The following EXTL1 variants were observed in gnomAD, a reference collection of about 807,000 sequenced individuals.
EXTL1 encodes exostosin like glycosyltransferase 1.
EXTL1 carries 43 observed loss-of-function variants against 64.6 expected under a neutral mutation model. The ratio of observed to expected loss-of-function variants is 0.67; its 90% confidence interval spans 0.52 to 0.86. The LOEUF (loss-of-function observed/expected upper bound fraction) is 0.86. Ranked by LOEUF, EXTL1 falls within the 40% of genes least tolerant of loss-of-function variation. The pLI is 0.00. For synonymous variants in EXTL1, 352 were observed against 360.5 expected, an observed-to-expected ratio of 0.98 and a Z score of 0.27; for missense variants, 766 against 879.0, an observed-to-expected ratio of 0.87 and a Z score of 1.62.
chr1:26,022,908 A>G lies in EXTL1; in HGVS notation c.262A>G (p.Thr88Ala). The G allele has an allele frequency of 6.2e-7, 1 of 1,613,972 alleles. No homozygotes were observed. Among genetic ancestry groups the G allele is most frequent in the Non-Finnish European group, 8.5e-7 (1 of 1,179,960 alleles). Residue 88 changes from threonine (T) to alanine (A), a missense_variant, in exon 1 of 11, where the codon ACC becomes GCC. Thr to Ala is a moderately conservative substitution (Grantham distance 58). Around this residue, in one of 3 missense-constraint regions of EXTL1, gnomAD observed 571 missense variants for 647.6 expected, o/e 0.88. Transcript: ENST00000374280. Reference sequence around the variant, plus strand: ...CTGCAACTGGGAATCTTGCTTTGATACCTCAAAGTGCAGGGGCGATGGCCT... The same window carrying G: ...CTGCAACTGGGAATCTTGCTTTGATGCCTCAAAGTGCAGGGGCGATGGCCT... ...GSCNWESCFD[T>A]SKCRGDGLKV... is the part of the protein sequence containing the mutation.
intron 2 of EXTL1, 25 bp from the exon 3 acceptor site, chr1:26,029,575 C>T: frequency 1.4e-6 from 2 of 1,429,098 alleles, no homozygotes; most frequent in Non-Finnish European, 2.0e-6. Flanking sequence ...GGGCTGGGCT[C>T]CCCAGTGACC....
At chr1:26,027,693 A>AAAAAAAAAAAAAAGAAAAAG (rs1483331698) in intron 1 of EXTL1, among the ~76,000 whole-genome samples, 1 of 131,458 alleles carries the variant, frequency 7.6e-6, no homozygotes, top group African/African-American at 3.0e-5. Context: ...CATCTCTAAA[A>AAAAAAAAAAAAAAGAAAAAG]AAAAAAAAAA....
rs990070361 is a variant in EXTL1, at chr1:26,035,411, C to A, written c.*64C>A. On this transcript the variant is annotated 3_prime_UTR_variant, in exon 11 of 11. Transcript: ENST00000374280. The surrounding 1 kb of genome is among the most constrained non-coding windows in gnomAD (Gnocchi z 5.3). The stretch of plus-strand genomic sequence containing the variant: ...CAGCTCCCAGGGGGCCCGGCGCCTG[C>A]CGGCGGGCTCCGCTCTTGGGACACC... The A allele has an allele frequency of 1.4e-6, 2 of 1,432,352 alleles. No individual in the cohort carries two copies. Among genetic ancestry groups the A allele is most frequent in the Non-Finnish European group, 1.9e-6 (2 of 1,059,784 alleles). 88.7% of individuals were successfully genotyped at this position (1,432,352 alleles called of 1,614,324 possible).
Position 26,034,722 on chromosome 1 carries a change from G to A in EXTL1, c.1680-114G>A. On this transcript the variant is annotated intron_variant, in intron 9 of 10. Transcript: ENST00000374280. The surrounding 1 kb of genome is among the most constrained non-coding windows in gnomAD (Gnocchi z 4.6). Reference sequence around the variant, plus strand: ...GATGGGAGCTCTCTGAGGCAGCCAGGGCTCAGAGGCTTGGGGATGGGGGTC... The same window carrying A: ...GATGGGAGCTCTCTGAGGCAGCCAGAGCTCAGAGGCTTGGGGATGGGGGTC... The A allele has an allele frequency of 9.4e-7, 1 of 1,064,198 alleles. No individual in the cohort carries two copies. Among genetic ancestry groups the A allele is most frequent in the East Asian group, 2.4e-5 (1 of 41,830 alleles). The allele number at this position is 1,064,198 out of a possible 1,614,324, so 65.9% of individuals were successfully genotyped here.
At position 26,034,786 on chromosome 1, in the gene EXTL1, C is replaced by T; in HGVS notation, c.1680-50C>T. 3 of 1,578,444 alleles carry T rather than the reference C, an allele frequency of 1.9e-6. No individual in the cohort carries two copies. Among genetic ancestry groups the T allele is most frequent in the Non-Finnish European group, 2.6e-6 (3 of 1,154,172 alleles). ...AGGTCAGGAGGGAGGAGAATGGGGCCTGGGGATGGATTTGGCTGCAGCCTC... is the reference window on the plus strand; with the variant it reads ...AGGTCAGGAGGGAGGAGAATGGGGCTTGGGGATGGATTTGGCTGCAGCCTC... On this transcript the variant is annotated intron_variant, in intron 9 of 10. Transcript: ENST00000374280. This position sits in a 1 kb window ranked among gnomAD's most constrained non-coding sequence, Gnocchi z 4.6.
chr1:26,032,363 C>T (rs1267457610), intron 6 of EXTL1, 33 bp from the exon 7 acceptor site: 1 of 1,490,620 alleles, frequency 6.7e-7, no homozygotes, highest in East Asian at 2.5e-5. Context: ...TGCCCCAGAT[C>T]CCAGACTTCA....
chr1:26,029,494 C>G, intron 2 of EXTL1, 106 bp from the exon 3 acceptor site: 2 of 740,754 alleles, frequency 2.7e-6, no homozygotes, highest in Admixed American at 2.2e-5. Flanking sequence ...TTCCTGTCCT[C>G]TTTGCCCCTT....
Position 26,032,238 on chromosome 1 carries a change from G to A in EXTL1, c.1342-158G>A, listed in dbSNP as rs779576449. 3.7e-4 allele frequency: 209 copies of A among 571,386 alleles called. 1 individual carries two copies. The highest frequency in any genetic ancestry group is 9.0e-5 in the Non-Finnish European group (29 of 323,022). 35.4% of individuals were successfully genotyped at this position (571,386 alleles called of 1,614,324 possible). On this transcript the variant is annotated intron_variant, in intron 6 of 10. Transcript: ENST00000374280. The stretch of plus-strand genomic sequence containing the variant: ...AGCCCAGAGGCAAGGACAGAGCAGC[G>A]GTGAAAGGACCATGGATCCAACTAA...
rs1412793516 is a variant in EXTL1, at chr1:26,032,433, C to A, written c.1379C>A (p.Ser460Tyr). ...VLWSNERPLPSRWPETAVPLT... is the reference protein window; with the variant it reads ...VLWSNERPLPYRWPETAVPLT... ...TGGAGCAATGAGAGGCCACTCCCAT[C>A]CAGGTGGCCGGAGACAGCTGTGCCC... is the stretch of plus-strand genomic sequence containing the variant. The change falls in exon 7 of 11, where the codon TCC becomes TAC. Residue 460 changes from serine to tyrosine, a missense_variant. Physicochemically the swap from Ser to Tyr is moderately radical, Grantham distance 144. Around this residue, in one of 3 missense-constraint regions of EXTL1, gnomAD observed 571 missense variants for 647.6 expected, o/e 0.88. Coordinates refer to ENST00000374280, the MANE Select transcript of EXTL1 (RefSeq NM_004455.3). 6.4e-7 allele frequency: 1 copy of A among 1,556,314 alleles called. No individual in the cohort carries two copies. The highest frequency in any genetic ancestry group is 1.2e-5 in the South Asian group (1 of 84,270).
intron 1 of EXTL1, among the ~76,000 whole-genome samples, chr1:26,024,928 T>TA (rs1229761216): frequency 6.6e-6 from 1 of 152,246 alleles, no homozygotes; most frequent in Non-Finnish European, 1.5e-5. Flanking sequence ...ACACAGCAGG[T>TA]AGGTGCTCAT....
chr1:26,031,130 A>T lies in EXTL1; in HGVS notation c.1102-2A>T, dbSNP rs2050280768. 1 of 1,613,858 alleles carries T rather than the reference A, an allele frequency of 6.2e-7. No individual in the cohort carries two copies. Among genetic ancestry groups the T allele is most frequent in the African/African-American group, 1.3e-5 (1 of 74,894 alleles). ...CTCTGCTCAGCTTCTCTCTCATTTT[A>T]GGTTATTCAGGACCGGATTTTTGGA... is the stretch of plus-strand genomic sequence containing the variant. On this transcript the variant is annotated splice_acceptor_variant, in intron 4 of 10. Coordinates refer to ENST00000374280, the MANE Select transcript of EXTL1 (RefSeq NM_004455.3). LOFTEE classifies it high-confidence loss of function.
At position 26,022,766 on chromosome 1, in the gene EXTL1, C is replaced by T. The variant is rs750233924; in HGVS notation, c.120C>T (p.Pro40=). The change falls in exon 1 of 11, where the codon CCC becomes CCT. Residue 40 remains proline (P), a synonymous_variant. Transcript: ENST00000374280. ...TGGCATTGCCTCCCAGACCTCGGCC[C>T]GGGGCTTCCCAAGGCTGGCCCCGCT... The part of the protein sequence containing the change: ...LRLALPPRPR[P]GASQGWPRWL... 29 of 1,613,944 alleles carry T rather than the reference C, an allele frequency of 1.8e-5. No homozygotes were observed. Among genetic ancestry groups the T allele is most frequent in the Non-Finnish European group, 2.1e-5 (25 of 1,179,994 alleles).
At chr1:26,030,683 G>A in intron 4 of EXTL1, 88 bp downstream of exon 4, 1 of 1,439,088 alleles carries the variant, frequency 6.9e-7, no homozygotes, top group Non-Finnish European at 9.3e-7. Context: ...ACAGTGTTTG[G>A]GGAACCCCCC....
intron 6 of EXTL1, among the ~76,000 whole-genome samples, chr1:26,031,894 G>A (rs2050291149): frequency 6.6e-6 from 1 of 152,222 alleles, no homozygotes; most frequent in Non-Finnish European, 1.5e-5. Flanking sequence ...TCTGCCCAGA[G>A]AGTCAGACTG....
intron 7 of EXTL1, among the ~76,000 whole-genome samples, chr1:26,032,818 G>A (rs564669442): frequency 1.6e-4 from 24 of 152,268 alleles, no homozygotes; most frequent in South Asian, 6.2e-4. Flanking sequence ...TCTGGGAACC[G>A]TGGTTGGTGT....
chr1:26,023,814 T>C (rs1430632201), intron 1 of EXTL1, among the ~76,000 whole-genome samples: 4 of 152,226 alleles, frequency 2.6e-5, no homozygotes, highest in Non-Finnish European at 4.4e-5. Context: ...AGTGTTTGTG[T>C]ACCAGGCACG....
intron 4 of EXTL1, 96 bp downstream of exon 4, chr1:26,030,691 C>T (rs1257978142): frequency 2.9e-6 from 4 of 1,365,942 alleles, no homozygotes; most frequent in Non-Finnish European, 3.9e-6. Context: ...TGGGGAACCC[C>T]CCCCCCTTCC....
In EXTL1 at chr1:26,035,204, C is replaced by G. The variant is rs1433697968; in HGVS notation, c.1888C>G (p.Pro630Ala). ...GPGPRPKPPA[P>A]APDCINQIAA... ...GGGGCCCAGGCCAAAGCCGCCTGCC[C>G]CAGCCCCCGACTGCATCAACCAGAT... The change falls in exon 11 of 11, where the codon CCA (proline) becomes GCA (alanine). Residue 630 changes from proline (P) to alanine (A), a missense_variant. By Grantham distance (27) the Pro-to-Ala change is conservative. This residue lies in a region of EXTL1 where 194 missense variants were observed against 214.5 expected (regional missense o/e 0.90). Coordinates refer to ENST00000374280, the MANE Select transcript of EXTL1 (RefSeq NM_004455.3). The surrounding 1 kb of genome is among the most constrained non-coding windows in gnomAD (Gnocchi z 5.3). 1 of 1,612,204 alleles carries G rather than the reference C, an allele frequency of 6.2e-7. No homozygotes were observed. Among genetic ancestry groups the G allele is most frequent in the South Asian group, 1.1e-5 (1 of 91,066 alleles).
rs2050304765 is a variant in EXTL1, at chr1:26,033,063, T to C, written c.1432-166T>C. 6.6e-6 allele frequency among the ~76,000 whole-genome samples: 1 copy of C among 152,062 alleles called. No homozygotes were observed. Among genetic ancestry groups the C allele is most frequent in the Admixed American group, 6.5e-5 (1 of 15,272 alleles). ...GAGTTGCCCAGGTCCCAAAACGAGCTCTGCACAGGCTTGCCATATTTGAGG... is the reference window on the plus strand; with the variant it reads ...GAGTTGCCCAGGTCCCAAAACGAGCCCTGCACAGGCTTGCCATATTTGAGG... On this transcript the variant is annotated intron_variant, in intron 7 of 10. Coordinates refer to ENST00000374280, the MANE Select transcript of EXTL1 (RefSeq NM_004455.3). The surrounding 1 kb of genome is among the most constrained non-coding windows in gnomAD (Gnocchi z 5.1).
Sources: gnomAD v4.1 joint callset for allele counts (sites outside exome capture counted in the v4.1 genomes callset) on GRCh38, gnomAD v4.1.1 for gene constraint, gnomAD v4.1.1 regional missense constraint, Gnocchi (gnomAD v3.1) non-coding constraint, MANE v1.5 for transcripts, NCBI Gene and HGNC (gene_info 2026-07-23, HGNC 2026-07-21) for gene names.